Variants in TTC29 observed in about 807,000 individuals in gnomAD.
TTC29 encodes tetratricopeptide repeat protein 29.
In TTC29, 49 loss-of-function variants were observed where a neutral mutation model predicts 58.1. That is an observed-to-expected ratio of 0.84 (90% CI 0.67 to 1.07). TTC29 has a LOEUF of 1.07. Ranked by LOEUF, TTC29 falls within the 50% of genes least tolerant of loss-of-function variation. The probability of loss-of-function intolerance (pLI) is 0.00; values close to 1 mark genes in which losing one functional copy is unlikely to be tolerated. For synonymous variants in TTC29, 209 were observed against 196.8 expected (o/e 1.06, Z -0.52); for missense variants, 582 against 555.6 (o/e 1.05, Z -0.48).
intron 8 of TTC29, among the ~76,000 whole-genome samples, chr4:146,858,717 C>T (rs1730035711): frequency 6.6e-6 from 1 of 152,172 alleles, no homozygotes; most frequent in Non-Finnish European, 1.5e-5. Flanking sequence ...TCTTCCTTAA[C>T]TCTCACAAGG....
At chr4:146,859,902 T>C (rs1168983477) in intron 8 of TTC29, among the ~76,000 whole-genome samples, 3 of 152,162 alleles carry the variant, frequency 2.0e-5, no homozygotes, top group Non-Finnish European at 2.9e-5. Context: ...TTAAAATTAC[T>C]TTTAGTTTAG....
chr4:146,770,017 G>T (rs1237196237), intron 11 of TTC29, among the ~76,000 whole-genome samples: 1 of 151,980 alleles, frequency 6.6e-6, no homozygotes, highest in Non-Finnish European at 1.5e-5. Context: ...GCTCAAGCAA[G>T]TGGGGGCACT....
chr4:146,906,662 T>C (rs557958816), intron 5 of TTC29, among the ~76,000 whole-genome samples: 243 of 152,322 alleles, frequency 1.6e-3, no homozygotes, highest in African/African-American at 5.6e-3. Flanking sequence ...GGAAAAAAAA[T>C]TATAACAATT....
intron 6 of TTC29, among the ~76,000 whole-genome samples, chr4:146,895,052 A>G (rs1732675088): frequency 6.6e-6 from 1 of 152,134 alleles, no homozygotes; most frequent in South Asian, 2.1e-4. Context: ...GTCAGCTCCC[A>G]CTTATAAGTG....
intron 7 of TTC29, among the ~76,000 whole-genome samples, chr4:146,871,906 A>G (rs888322351): frequency 2.6e-5 from 4 of 152,044 alleles, no homozygotes; most frequent in Non-Finnish European, 5.9e-5. Context: ...AGCTGATCCT[A>G]AAATTCACAT....
At chr4:146,935,853 T>C (rs375898293) in intron 4 of TTC29, among the ~76,000 whole-genome samples, 26 of 152,350 alleles carry the variant, frequency 1.7e-4, no homozygotes, top group African/African-American at 6.0e-4. Flanking sequence ...ATGCAGTAAT[T>C]CCCTGGCTAA....
chr4:146,801,978 C>CAAAAAAAAAAAAA (rs57486017), intron 11 of TTC29, among the ~76,000 whole-genome samples: 1 of 38,800 alleles, frequency 2.6e-5, no homozygotes, highest in Non-Finnish European at 6.4e-5. Context: ...GACTCTGTCT[C>CAAAAAAAAAAAAA]AAAAAAAAAA....
At chr4:146,802,339 C>G (rs1485960416) in intron 11 of TTC29, among the ~76,000 whole-genome samples, 2 of 152,126 alleles carry the variant, frequency 1.3e-5, no homozygotes, top group Non-Finnish European at 2.9e-5. Flanking sequence ...ACAATATGAC[C>G]TGAAAGCAGT....
At chr4:146,708,308 T>A (rs1050102335) in intron 11 of TTC29, among the ~76,000 whole-genome samples, 27 of 62,204 alleles carry the variant, frequency 4.3e-4, no homozygotes, top group Admixed American at 8.9e-4. Context: ...TATGGGAAGT[T>A]TATATATATA....
At chr4:146,911,371 A>G (rs1317788122) in intron 4 of TTC29, among the ~76,000 whole-genome samples, 1 of 152,184 alleles carries the variant, frequency 6.6e-6, no homozygotes, top group East Asian at 1.9e-4. Flanking sequence ...CTGAAGGAAG[A>G]CACAGCTAAA....
At chr4:146,794,167 C>G (rs1453609550) in intron 11 of TTC29, among the ~76,000 whole-genome samples, 1 of 151,988 alleles carries the variant, frequency 6.6e-6, no homozygotes, top group Non-Finnish European at 1.5e-5. Context: ...AATTTAAAGC[C>G]CTGGATAAAG....
At chr4:146,716,331 G>A (rs1027424187) in intron 11 of TTC29, among the ~76,000 whole-genome samples, 7 of 152,054 alleles carry the variant, frequency 4.6e-5, no homozygotes, top group Non-Finnish European at 1.0e-4. Context: ...TTACTTCAGA[G>A]TAACAGTTTG....
chr4:146,709,285 CT>C (rs1383921372), intron 11 of TTC29, among the ~76,000 whole-genome samples: 1 of 152,064 alleles, frequency 6.6e-6, no homozygotes, highest in Non-Finnish European at 1.5e-5. Flanking sequence ...GCTCATTTTC[CT>C]GCATTTAACT....
In TTC29 at chr4:146,724,716, G is replaced by A. The variant is rs1021070706; in HGVS notation, c.1331-17165C>T. Among the ~76,000 whole-genome samples the A allele has an allele frequency of 2.6e-5, 4 of 151,994 alleles. No individual in the cohort carries two copies. In the East Asian group the frequency reaches 5.8e-4, roughly 22 times the overall value. ...TTTAGTAGAGACGGGGTTTCACCAC[G>A]TTCGCCAGGCTGGTCTTGAGCTCCT... On this transcript the variant is annotated intron_variant, in intron 11 of 12. Transcript: ENST00000325106.
At position 146,730,758 on chromosome 4, in the gene TTC29, C is replaced by T. The variant is rs112765146; in HGVS notation, c.1331-23207G>A. ...GAAATGACTATTGTGTTTGGCGATGCGAAAGCCATTGATGAATTTGAGAAC... is the reference window on the plus strand; with the variant it reads ...GAAATGACTATTGTGTTTGGCGATGTGAAAGCCATTGATGAATTTGAGAAC... On this transcript the variant is annotated intron_variant, in intron 11 of 12. Transcript: ENST00000325106. Among the ~76,000 whole-genome samples, 485 of 152,136 alleles carry T rather than the reference C, an allele frequency of 3.2e-3. 6 individuals carry two copies. The highest frequency in any genetic ancestry group is 0.011 in the African/African-American group (453 of 41,502).
At chr4:146,851,458 C>A (rs1671305601) in intron 8 of TTC29, among the ~76,000 whole-genome samples, 2 of 152,098 alleles carry the variant, frequency 1.3e-5, no homozygotes, top group African/African-American at 4.8e-5. Flanking sequence ...ATGAAAAGGA[C>A]CCCATACCCC....
chr4:146,879,502 C>T (rs991675636), intron 6 of TTC29, among the ~76,000 whole-genome samples: 2 of 151,978 alleles, frequency 1.3e-5, no homozygotes, highest in African/African-American at 4.8e-5. Flanking sequence ...TTATAAAAGA[C>T]CTCAATATGG....
chr4:146,725,595 A>G (rs1743726749), intron 11 of TTC29, among the ~76,000 whole-genome samples: 1 of 152,196 alleles, frequency 6.6e-6, no homozygotes. Flanking sequence ...TAACTAAATT[A>G]GGTTGAAGAA....
intron 9 of TTC29, among the ~76,000 whole-genome samples, chr4:146,830,741 G>A (rs920171140): frequency 6.6e-6 from 1 of 152,154 alleles, no homozygotes. Context: ...GGCTATGAAA[G>A]GGCTGGTACA....
Sources: gnomAD v4.1 joint callset for allele counts (sites outside exome capture counted in the v4.1 genomes callset) on GRCh38, gnomAD v4.1.1 for gene constraint, MANE v1.5 for transcripts, NCBI Gene and HGNC (gene_info 2026-07-23, HGNC 2026-07-21) for gene names.